SYNE1: variants seen among roughly 807,000 people sequenced by gnomAD.
SYNE1 encodes the protein nesprin-1.
A neutral mutation model predicts 1,111.0 loss-of-function variants in SYNE1; 616 were observed. The observed-to-expected ratio is 0.55, with a 90% confidence interval of 0.52 to 0.59. The LOEUF is 0.59. Among genes scored for constraint, SYNE1 ranks in the 20% least tolerant of loss-of-function variants. SYNE1 has a pLI of 0.00. For missense variants in SYNE1, 10,006 were observed against 10,417.0 expected, an observed-to-expected ratio of 0.96 and a Z score of 1.72; for synonymous variants, 3,855 against 3,825.8, an observed-to-expected ratio of 1.01 and a Z score of -0.28.
intron 4 of SYNE1, among the ~76,000 whole-genome samples, chr6:152,537,659 A>C (rs918089399): frequency 6.6e-6 from 1 of 152,178 alleles, no homozygotes; most frequent in Non-Finnish European, 1.5e-5. Flanking sequence ...AGTCAAGCAC[A>C]AAAATAAAAA....
rs1201268385 is a variant in SYNE1, at chr6:152,484,934, C to T, written c.1086G>A (p.Arg362=). ...KHFRVQYEMK[R]KQIEHLIQPL... The stretch of plus-strand genomic sequence containing the variant: ...GTTGTATTAAATGTTCAATCTGTTT[C>T]CTCTTCATTTCATATTGAACTCTGA... The change falls in exon 13 of 146, where the codon AGG becomes AGA. Residue 362 remains arginine, a synonymous_variant. Coordinates refer to ENST00000367255, the MANE Select transcript of SYNE1 (RefSeq NM_182961.4). The T allele has an allele frequency of 8.7e-6, 14 of 1,613,086 alleles. No individual in the cohort carries two copies. Among genetic ancestry groups the T allele is most frequent in the Admixed American group, 1.7e-5 (1 of 59,948 alleles).
Position 152,244,610 on chromosome 6 carries a change from A to G in SYNE1, c.19619T>C (p.Ile6540Thr), listed in dbSNP as rs758685383. 6.2e-7 allele frequency: 1 copy of G among 1,613,888 alleles called. No homozygotes were observed. Among genetic ancestry groups the G allele is most frequent in the African/African-American group, 1.3e-5 (1 of 74,880 alleles). The change falls in exon 106 of 146, where the codon ATC (isoleucine) becomes ACC (threonine). Residue 6540 changes from isoleucine to threonine, a missense_variant. This residue lies in a region of SYNE1 where 2,182 missense variants were observed against 2,287.8 expected (regional missense o/e 0.95). Coordinates refer to ENST00000367255, the MANE Select transcript of SYNE1 (RefSeq NM_182961.4). ...GTCACCACGCCTCTTTAATTCAATGATTCCTGCATCAAATTCTTTGAGTCC... is the reference window on the plus strand; with the variant it reads ...GTCACCACGCCTCTTTAATTCAATGGTTCCTGCATCAAATTCTTTGAGTCC... ...EDGLKEFDAG[I>T]IELKRRGDKL...
At chr6:152,209,013 A>T (rs2077040561) in intron 124 of SYNE1, among the ~76,000 whole-genome samples, 1 of 152,198 alleles carries the variant, frequency 6.6e-6, no homozygotes, top group Non-Finnish European at 1.5e-5. Flanking sequence ...TTTATTTAAT[A>T]TTTAATTTAT....
intron 3 of SYNE1, among the ~76,000 whole-genome samples, chr6:152,584,119 C>T (rs1355537784): frequency 1.3e-5 from 2 of 152,120 alleles, no homozygotes; most frequent in African/African-American, 2.4e-5. Context: ...ACTTGTGCCT[C>T]GATACCCTTA....
chr6:152,417,144 A>G (rs992847375), intron 40 of SYNE1, 129 bp from the exon 41 acceptor site: 2 of 1,350,412 alleles, frequency 1.5e-6, no homozygotes, highest in Non-Finnish European at 2.0e-6. Flanking sequence ...AAGGTCATCT[A>G]CAGTGAATCT....
At position 152,347,132 on chromosome 6, in the gene SYNE1, A is replaced by G; in HGVS notation, c.12005T>C (p.Leu4002Pro). The G allele has an allele frequency of 6.2e-7, 1 of 1,614,156 alleles. No individual in the cohort carries two copies. The highest frequency in any genetic ancestry group is 8.5e-7 in the Non-Finnish European group (1 of 1,180,030). Residue 4002 changes from leucine (L) to proline (P), a missense_variant, in exon 73 of 146, where the codon CTT becomes CCT. Leu to Pro is a moderately conservative substitution (Grantham distance 98). This residue lies in a region of SYNE1 where 4,955 missense variants were observed against 5,017.2 expected (regional missense o/e 0.99). Transcript: ENST00000367255. ...CAGATGAGCATGCACGTTTTGTTTA[A>G]GTTTCGCTTGCAGGTGGTCTGCACA... is the stretch of plus-strand genomic sequence containing the variant. ...GQCADHLQAKLKQNVHAHLQG... is the reference protein window; with the variant it reads ...GQCADHLQAKPKQNVHAHLQG...
chr6:152,509,346 T>TC lies in SYNE1; in HGVS notation c.581+846dup, dbSNP rs2099073850. On this transcript the variant is annotated intron_variant, in intron 8 of 145. Transcript: ENST00000367255. ...ATCTCAGCTCACTGCAACCTCCACCTCCCAGGTTCAAGCGATTCTGGTGCC... is the reference window on the plus strand; with the variant it reads ...ATCTCAGCTCACTGCAACCTCCACCTCCCCAGGTTCAAGCGATTCTGGTGCC... 2.8e-5 allele frequency among the ~76,000 whole-genome samples: 4 copies of TC among 140,634 alleles called. No individual in the cohort carries two copies. The South Asian group carries it at 9.4e-4, about 33-fold the overall frequency. The allele number at this position is 140,634 out of a possible 152,430, so 92.3% of individuals were successfully genotyped here.
chr6:152,532,142 T>C (rs1326004126), intron 4 of SYNE1, among the ~76,000 whole-genome samples: 1 of 152,250 alleles, frequency 6.6e-6, no homozygotes, highest in Non-Finnish European at 1.5e-5. Context: ...ATTACTAGCA[T>C]ATCATCACTG....
rs1592552064 is a variant in SYNE1, at chr6:152,430,774, A to G, written c.4462-65T>C. On this transcript the variant is annotated intron_variant, in intron 34 of 145. Coordinates refer to ENST00000367255, the MANE Select transcript of SYNE1 (RefSeq NM_182961.4). ...CAAGCTTGCCTTCCTGAAATGATAC[A>G]ATTATCTGCAAAGAGGGAATATTTT... 1.1e-5 allele frequency: 15 copies of G among 1,390,150 alleles called. No homozygotes were observed. In the East Asian group the frequency reaches 3.4e-4, roughly 32 times the overall value. The allele number at this position is 1,390,150 out of a possible 1,614,324, so 86.1% of individuals were successfully genotyped here.
Position 152,164,170 on chromosome 6 carries a change from T to G in SYNE1, c.23783A>C (p.Glu7928Ala). The G allele has an allele frequency of 1.2e-6, 2 of 1,614,208 alleles. No homozygotes were observed. Among genetic ancestry groups the G allele is most frequent in the Non-Finnish European group, 1.7e-6 (2 of 1,180,028 alleles). Reference sequence around the variant, plus strand: ...TTCCATTTTAAGTCTTACCTGCTGCTCATTAAGCTTTCTCTGTATTTCTTC... The same window carrying G: ...TTCCATTTTAAGTCTTACCTGCTGCGCATTAAGCTTTCTCTGTATTTCTTC... ...NSEEIQRKLN[E>A]QQELQRDIEK... The change falls in exon 131 of 146, where the codon GAG becomes GCG. Residue 7928 changes from glutamate (E) to alanine (A), a missense_variant. Glu to Ala is a moderately radical substitution (Grantham distance 107). Transcript: ENST00000367255.
At chr6:152,570,973 G>C (rs529081546) in intron 3 of SYNE1, among the ~76,000 whole-genome samples, 2 of 152,260 alleles carry the variant, frequency 1.3e-5, no homozygotes, top group Non-Finnish European at 1.5e-5. Context: ...ATGCACAAAG[G>C]GGGATTCATC....
At chr6:152,458,699 C>A (rs186422644) in intron 22 of SYNE1, 58 bp downstream of exon 22, 37 of 1,575,892 alleles carry the variant, frequency 2.3e-5, no homozygotes, top group Non-Finnish European at 2.9e-5. Context: ...GTAAGCAACA[C>A]CCTGGTCTTG....
At chr6:152,565,875 C>T (rs1214012569) in intron 3 of SYNE1, among the ~76,000 whole-genome samples, 3 of 152,106 alleles carry the variant, frequency 2.0e-5, no homozygotes, top group African/African-American at 7.2e-5. Context: ...GAATAAACAT[C>T]GTTTGTAGCC....
chr6:152,605,789 G>T (rs2099613210), intron 3 of SYNE1, among the ~76,000 whole-genome samples: 1 of 152,144 alleles, frequency 6.6e-6, no homozygotes, highest in Non-Finnish European at 1.5e-5. Flanking sequence ...TTATAGCTGT[G>T]ATTAAGGCTT....
chr6:152,621,119 G>A (rs867284285), intron 3 of SYNE1, among the ~76,000 whole-genome samples: 1 of 152,268 alleles, frequency 6.6e-6, no homozygotes, highest in Middle Eastern at 3.4e-3. Context: ...TCCAGAAGGT[G>A]CCCCAGAAGG....
intron 6 of SYNE1, among the ~76,000 whole-genome samples, chr6:152,514,390 G>A (rs562564514): frequency 4.6e-5 from 7 of 152,218 alleles, no homozygotes; most frequent in Admixed American, 1.3e-4. Flanking sequence ...AGAAAACCAA[G>A]CTCTGCATGT....
chr6:152,234,586 C>A, intron 111 of SYNE1, 82 bp downstream of exon 111: 1 of 1,561,990 alleles, frequency 6.4e-7, no homozygotes, highest in South Asian at 1.1e-5. Flanking sequence ...CCACCGCACC[C>A]GGCCTGACTT....
intron 39 of SYNE1, among the ~76,000 whole-genome samples, chr6:152,422,188 A>C (rs2098273065): frequency 6.6e-6 from 1 of 152,258 alleles, no homozygotes; most frequent in Non-Finnish European, 1.5e-5. Flanking sequence ...TTGCTACTGC[A>C]ATCTGAAGAT....
intron 131 of SYNE1, among the ~76,000 whole-genome samples, chr6:152,163,774 C>T (rs575021303): frequency 1.4e-4 from 22 of 152,106 alleles, no homozygotes; most frequent in African/African-American, 4.3e-4. Flanking sequence ...GAAAAAAAGT[C>T]GGGGGCAGGG....
Sources: gnomAD v4.1 joint callset for allele counts (sites outside exome capture counted in the v4.1 genomes callset) on GRCh38, gnomAD v4.1.1 for gene constraint, gnomAD v4.1.1 regional missense constraint, MANE v1.5 for transcripts, NCBI Gene and HGNC (gene_info 2026-07-23, HGNC 2026-07-21) for gene names.